NPHP3: variants seen among roughly 807,000 people sequenced by gnomAD.
NPHP3 encodes the protein nephrocystin 3, also known as nephrocystin-3.
In NPHP3, 123 loss-of-function variants were observed where a neutral mutation model predicts 171.9. The ratio of observed to expected loss-of-function variants is 0.72; its 90% CI spans 0.62 to 0.83. NPHP3 has a LOEUF of 0.83. NPHP3 is among the 40% of genes least tolerant of loss of function. The pLI is 0.00. For missense variants in NPHP3, 1,506 were observed against 1,591.9 expected (o/e 0.95, Z 0.92); for synonymous variants, 558 against 579.2 (o/e 0.96, Z 0.52).
At chr3:132,719,168 T>G (rs1223552277) in intron 2 of NPHP3, 24 bp from the exon 3 acceptor site, 2 of 1,559,654 alleles carry the variant, frequency 1.3e-6, no homozygotes, top group Middle Eastern at 1.7e-4. Context: ...AATTTTAATG[T>G]TGAAAGCTTT....
rs1400005418 is a variant in NPHP3, at chr3:132,683,506, C to T, written c.3589G>A (p.Val1197Ile). 12 of 1,612,282 alleles carry T rather than the reference C, an allele frequency of 7.4e-6. No homozygotes were observed. In the South Asian group the frequency reaches 1.3e-4, roughly 18 times the overall value. ...TCAACAGCCAATTCATACAAAGGTA[C>T]AGCTTTGTCAAGTTTCCCCTAAAAA... ...YKKMGKLDKA[V>I]PLYELAVEIR... The change falls in exon 25 of 27, where the codon GTA becomes ATA. Residue 1197 changes from valine (V) to isoleucine (I), a missense_variant. Val to Ile is a conservative substitution (Grantham distance 29). Transcript: ENST00000337331.
intron 15 of NPHP3, among the ~76,000 whole-genome samples, chr3:132,696,131 T>A (rs966463521): frequency 1.2e-4 from 18 of 151,608 alleles, no homozygotes; most frequent in South Asian, 8.3e-4. Flanking sequence ...TTTTTTTTTT[T>A]ACCTCAGATT....
chr3:132,687,320 T>C, intron 21 of NPHP3, 94 bp from the exon 22 acceptor site: 1 of 650,860 alleles, frequency 1.5e-6, no homozygotes. Flanking sequence ...GTAAAGTCTT[T>C]TTGGGCTATT....
chr3:132,684,561 T>G lies in NPHP3; in HGVS notation c.3563A>C (p.Lys1188Thr), dbSNP rs772079066. ...YTVKHLAILY[K>T]KMGKLDKAVP... ...ATGTCAAAGCTTACTTACCATTTTC[T>G]TATACAAGATGGCAAGATGCTTCAC... Residue 1188 changes from lysine (K) to threonine (T), a missense_variant, in exon 24 of 27, where the codon AAG becomes ACG. Physicochemically the swap from Lys to Thr is moderately conservative, Grantham distance 78 (BLOSUM62 -1). Transcript: ENST00000337331. 6.2e-7 allele frequency: 1 copy of G among 1,613,976 alleles called. No homozygotes were observed. Among genetic ancestry groups the G allele is most frequent in the East Asian group, 2.2e-5 (1 of 44,868 alleles).
chr3:132,702,016 A>G (rs923116875), intron 9 of NPHP3, among the ~76,000 whole-genome samples: 2 of 152,038 alleles, frequency 1.3e-5, no homozygotes. Flanking sequence ...ACAGAGCAAG[A>G]CTCCGTCTCA....
Position 132,701,510 on chromosome 3 carries a change from TA to T in NPHP3, c.1547del (p.Leu516GlnfsTer40). 1 of 1,613,428 alleles carries T rather than the reference TA, an allele frequency of 6.2e-7. No homozygotes were observed. The highest frequency in any genetic ancestry group is 8.5e-7 in the Non-Finnish European group (1 of 1,179,406). ...GTGGAATCGGGGCTGGTGCTGCCAC[TA>T]GATCATTAAGGCGTTGGTAATACTA... The part of the protein sequence containing the change: ...FEKYYQRLND[L>X]VAAPAPIPPL... On this transcript the variant is annotated frameshift_variant, in exon 10 of 27. Coordinates refer to ENST00000337331, the MANE Select transcript of NPHP3 (RefSeq NM_153240.5). LOFTEE classifies it high-confidence loss of function.
In NPHP3 at chr3:132,719,154, G is replaced by A. The variant is rs200144727; in HGVS notation, c.520-10C>T. 1 of 1,590,778 alleles carries A rather than the reference G, an allele frequency of 6.3e-7. No individual in the cohort carries two copies. The highest frequency in any genetic ancestry group is 2.2e-5 in the East Asian group (1 of 44,728). On this transcript the variant is annotated splice_polypyrimidine_tract_variant and intron_variant, in intron 2 of 26. Transcript: ENST00000337331. ...TGGTCTCCCTAAAAATCTTTAAAAA[G>A]AATAATTTTAATGTTGAAAGCTTTT... is the stretch of plus-strand genomic sequence containing the variant.
intron 1 of NPHP3, 42 bp downstream of exon 1, chr3:132,721,921 T>C (rs1940235906): frequency 1.2e-6 from 2 of 1,605,340 alleles, no homozygotes; most frequent in African/African-American, 1.3e-5. Flanking sequence ...ACGGCCGTGC[T>C]TCCCAAGGGT....
chr3:132,717,469 C>T (rs74657284), intron 3 of NPHP3: 28,372 of 153,830 alleles, frequency 0.18, 2,993 homozygotes, highest in East Asian at 0.55. Context: ...CCTTGATAAC[C>T]TTAAGTAAAT....
chr3:132,688,615 A>AT, intron 21 of NPHP3, 35 bp downstream of exon 21: 2 of 1,607,060 alleles, frequency 1.2e-6, no homozygotes, highest in Non-Finnish European at 1.7e-6. Flanking sequence ...ATCCCCCTGC[A>AT]TAAAATCAGG....
In NPHP3 at chr3:132,682,002, T is replaced by G. The variant is rs769027723; in HGVS notation, c.3901A>C (p.Lys1301Gln). Residue 1301 changes from lysine (K) to glutamine (Q), a missense_variant, in exon 27 of 27, where the codon AAA becomes CAA. Coordinates refer to ENST00000337331, the MANE Select transcript of NPHP3 (RefSeq NM_153240.5). ...KEAETSLLGG[K>Q]APSRHSSSGD... ...CTTGATGAATGGCGTGAAGGAGCTT[T>G]TCCACCCAAGAGTGATGTTTCTGCT... The G allele has an allele frequency of 5.0e-6, 8 of 1,613,970 alleles. No individual in the cohort carries two copies. The African/African-American group carries it at 6.7e-5, about 13-fold the overall frequency.
chr3:132,706,464 C>G (rs776665057), intron 7 of NPHP3, among the ~76,000 whole-genome samples: 16 of 151,570 alleles, frequency 1.1e-4, no homozygotes, highest in Non-Finnish European at 1.8e-4. Flanking sequence ...AACATATTTA[C>G]CCTTCAAAAT....
chr3:132,700,375 T>C lies in NPHP3; in HGVS notation c.1702A>G (p.Ser568Gly), dbSNP rs756292299. 1 of 1,613,364 alleles carries C rather than the reference T, an allele frequency of 6.2e-7. No individual in the cohort carries two copies. Among genetic ancestry groups the C allele is most frequent in the Non-Finnish European group, 8.5e-7 (1 of 1,179,340 alleles). Reference protein sequence around the residue: ...SHFVGRPMSTSSESSLIIKRL... With the variant: ...SHFVGRPMSTGSESSLIIKRL... ...TTAATAATCAAGGAGGACTCTGAGC[T>C]GGTTGACATGGGCCTTCCCACAAAA... is the stretch of plus-strand genomic sequence containing the variant. Residue 568 changes from serine to glycine, a missense_variant, in exon 11 of 27, where the codon AGC (serine) becomes GGC (glycine). By Grantham distance (56) the Ser-to-Gly change is moderately conservative. Coordinates refer to ENST00000337331, the MANE Select transcript of NPHP3 (RefSeq NM_153240.5).
intron 23 of NPHP3, chr3:132,685,004 T>G: frequency 1.8e-6 from 1 of 552,710 alleles, no homozygotes; most frequent in Non-Finnish European, 3.2e-6. Flanking sequence ...AATGTGTGGA[T>G]GATTGCCTCA....
intron 16 of NPHP3, chr3:132,693,062 G>C (rs1277003858): frequency 2.2e-6 from 1 of 464,304 alleles, no homozygotes; most frequent in African/African-American, 2.0e-5. Context: ...AAAAAGTACA[G>C]TGAAAATTAA....
At chr3:132,719,641 T>A in intron 2 of NPHP3, 64 bp downstream of exon 2, 1 of 1,081,666 alleles carries the variant, frequency 9.2e-7, no homozygotes, top group Admixed American at 2.5e-5. Context: ...ATATATTATA[T>A]ATACTTTTAG....
intron 15 of NPHP3, 72 bp from the exon 16 acceptor site, chr3:132,695,037 AAAC>A (rs1374630229): frequency 4.9e-6 from 7 of 1,428,900 alleles, no homozygotes; most frequent in East Asian, 2.3e-5. Flanking sequence ...GATCGATTAA[AAAC>A]AACGTGAACT....
intron 2 of NPHP3, 49 bp downstream of exon 2, chr3:132,719,656 T>C (rs376820523): frequency 1.4e-4 from 166 of 1,226,910 alleles, no homozygotes; most frequent in Non-Finnish European, 1.8e-4. Context: ...TTTTAGAATA[T>C]ACTATTTTAT....
chr3:132,719,599 T>A, intron 2 of NPHP3, 106 bp downstream of exon 2: 1 of 751,186 alleles, frequency 1.3e-6, no homozygotes. Flanking sequence ...TCCTGAATCC[T>A]ACATGACTTA....
Sources: allele counts gnomAD v4.1 joint callset (sites outside exome capture counted in the v4.1 genomes callset), GRCh38; gene constraint gnomAD v4.1.1; transcripts MANE v1.5; gene names NCBI Gene and HGNC (gene_info 2026-07-23, HGNC 2026-07-21).